The following RERE variants were observed in gnomAD, a reference collection of about 807,000 sequenced individuals.
The protein encoded by RERE is arginine-glutamic acid dipeptide repeats.
A neutral mutation model predicts 146.1 loss-of-function variants in RERE; 40 were observed. That is an observed-to-expected ratio of 0.27 (90% CI 0.21 to 0.36). RERE has a LOEUF of 0.36. Among genes scored for constraint, RERE ranks in the 10% least tolerant of loss-of-function variants. RERE has a pLI of 1.00. For missense variants in RERE, 1,933 were observed against 2,138.7 expected, an observed-to-expected ratio of 0.90 and a Z score of 1.90; for synonymous variants, 1,003 against 866.0, an observed-to-expected ratio of 1.16 and a Z score of -2.78.
chr1:8,808,882 A>C (rs1014386230), intron 1 of RERE, among the ~76,000 whole-genome samples: 5 of 152,294 alleles, frequency 3.3e-5, no homozygotes, highest in African/African-American at 1.2e-4. Context: ...TCACGCCTGT[A>C]ATCCCAGCAC....
At chr1:8,407,424 G>A (rs1438463947) in intron 12 of RERE, among the ~76,000 whole-genome samples, 2 of 152,156 alleles carry the variant, frequency 1.3e-5, no homozygotes, top group Non-Finnish European at 2.9e-5. Context: ...TACTTTATAA[G>A]GTGGCCAAGG....
intron 1 of RERE, among the ~76,000 whole-genome samples, chr1:8,813,833 T>A (rs1476750085): frequency 6.6e-6 from 1 of 152,204 alleles, no homozygotes; most frequent in Non-Finnish European, 1.5e-5. Context: ...CAGGCTGGTC[T>A]CGAACTCCTG....
At chr1:8,618,643 C>A (rs1230188354) in intron 3 of RERE, among the ~76,000 whole-genome samples, 3 of 152,078 alleles carry the variant, frequency 2.0e-5, no homozygotes, top group Admixed American at 6.5e-5. Flanking sequence ...GAAATGCAGT[C>A]GATAATGCGT....
At chr1:8,801,920 T>C (rs1479255007) in intron 1 of RERE, among the ~76,000 whole-genome samples, 1 of 152,226 alleles carries the variant, frequency 6.6e-6, no homozygotes, top group Non-Finnish European at 1.5e-5. Flanking sequence ...CGTCCGATTA[T>C]GCAGTTGTTT....
At chr1:8,460,400 T>G (rs2124106327) in intron 11 of RERE, among the ~76,000 whole-genome samples, 1 of 151,876 alleles carries the variant, frequency 6.6e-6, no homozygotes, top group South Asian at 2.1e-4. Flanking sequence ...ATTTAGAAAA[T>G]TACTTTGCCA....
At chr1:8,623,847 G>C (rs766981241) in intron 3 of RERE, among the ~76,000 whole-genome samples, 1 of 152,156 alleles carries the variant, frequency 6.6e-6, no homozygotes, top group Admixed American at 6.5e-5. Context: ...CCGCTACCCC[G>C]GGAAACCCCC....
At chr1:8,480,663 T>C (rs2124179252) in intron 10 of RERE, among the ~76,000 whole-genome samples, 2 of 151,104 alleles carry the variant, frequency 1.3e-5, no homozygotes, top group South Asian at 4.2e-4. Context: ...CTTGAACTCC[T>C]GACCTAAGGT....
At chr1:8,693,025 AT>A (rs1639242066) in intron 1 of RERE, among the ~76,000 whole-genome samples, 1 of 152,192 alleles carries the variant, frequency 6.6e-6, no homozygotes. Context: ...GGCATCGGAA[AT>A]GAGCAGTTAT....
intron 1 of RERE, among the ~76,000 whole-genome samples, chr1:8,719,076 G>A (rs1266023716): frequency 6.6e-6 from 1 of 152,120 alleles, no homozygotes; most frequent in African/African-American, 2.4e-5. Context: ...AACAGGCAGG[G>A]GGCAGCAAAA....
At chr1:8,556,892 A>C (rs914362491) in intron 5 of RERE, among the ~76,000 whole-genome samples, 12 of 152,150 alleles carry the variant, frequency 7.9e-5, no homozygotes, top group Non-Finnish European at 1.2e-4. Context: ...TCAACTACCA[A>C]AATACTTAGT....
chr1:8,546,387 C>G (rs992357565), intron 6 of RERE, among the ~76,000 whole-genome samples: 1 of 151,956 alleles, frequency 6.6e-6, no homozygotes, highest in Non-Finnish European at 1.5e-5. Flanking sequence ...TTTAAATTTC[C>G]AGGTGAAAGG....
chr1:8,608,255 C>T (rs1312219734), intron 4 of RERE, among the ~76,000 whole-genome samples: 1 of 152,144 alleles, frequency 6.6e-6, no homozygotes, highest in Admixed American at 6.5e-5. Flanking sequence ...GTAATCTTAG[C>T]ACTTTGGGGT....
At chr1:8,732,356 T>C (rs1046830558) in intron 1 of RERE, among the ~76,000 whole-genome samples, 7 of 152,284 alleles carry the variant, frequency 4.6e-5, no homozygotes, top group African/African-American at 1.7e-4. Flanking sequence ...ATTAAACACA[T>C]ATTGTTAAGT....
In RERE at chr1:8,505,079, C is replaced by G. The variant is rs764153544; in HGVS notation, c.879+3548G>C. On this transcript the variant is annotated intron_variant, in intron 8 of 22. Transcript: ENST00000400908. The stretch of plus-strand genomic sequence containing the variant: ...AGCCAAATCTAGACTGCAGAACACC[C>G]TACAGGATGAAATAGCTTCTTTACC... Among the ~76,000 whole-genome samples, 9 of 152,258 alleles carry G rather than the reference C, an allele frequency of 5.9e-5. No homozygotes were observed. The South Asian group carries it at 1.9e-3, about 32-fold the overall frequency.
At chr1:8,376,265 C>T (rs902473824) in intron 12 of RERE, among the ~76,000 whole-genome samples, 6 of 152,158 alleles carry the variant, frequency 3.9e-5, no homozygotes, top group South Asian at 2.1e-4. Context: ...CCTGGACCTT[C>T]GCAGTTATGG....
chr1:8,721,582 G>A (rs185360105), intron 1 of RERE, among the ~76,000 whole-genome samples: 2 of 152,208 alleles, frequency 1.3e-5, no homozygotes, highest in African/African-American at 4.8e-5. Flanking sequence ...CCAAAATGCC[G>A]GGATTACAGA....
intron 6 of RERE, 116 bp downstream of exon 6, chr1:8,556,359 C>T (rs1646006611): frequency 7.8e-6 from 5 of 643,312 alleles, no homozygotes; most frequent in Admixed American, 2.2e-5. Context: ...TTCACTGAGG[C>T]CAAAAGAGGA....
rs1274809893 is a variant in RERE at position 8,533,437 on chromosome 1, G to A, written c.830+7777C>T. On this transcript the variant is annotated intron_variant, in intron 7 of 22. Coordinates refer to ENST00000400908, the MANE Select transcript of RERE (RefSeq NM_001042681.2). ...CATGGTTTCTTCCGATATTTCTGAC[G>A]GTGAGCTTGGCATTCAAGGATATTT... is the stretch of plus-strand genomic sequence containing the variant. Among the ~76,000 whole-genome samples the A allele has an allele frequency of 3.9e-5, 6 of 152,264 alleles. No homozygotes were observed. In the East Asian group the frequency reaches 5.8e-4, roughly 15 times the overall value.
intron 15 of RERE, among the ~76,000 whole-genome samples, chr1:8,363,334 C>T (rs949567185): frequency 9.2e-5 from 14 of 152,242 alleles, no homozygotes; most frequent in African/African-American, 2.2e-4. Flanking sequence ...AGCCGCCAAG[C>T]GCTTCAGCAT....
Sources: allele counts gnomAD v4.1 joint callset (sites outside exome capture counted in the v4.1 genomes callset), GRCh38; gene constraint gnomAD v4.1.1; transcripts MANE v1.5; gene names NCBI Gene and HGNC (gene_info 2026-07-23, HGNC 2026-07-21).